Variants in FAM222A observed in about 807,000 individuals in gnomAD.
FAM222A encodes protein FAM222A.
FAM222A carries 7 observed loss-of-function variants against 25.8 expected under a neutral mutation model. The observed-to-expected ratio is 0.27, with a 90% CI of 0.15 to 0.51. FAM222A has a LOEUF of 0.51. Ranked by LOEUF, FAM222A falls within the 20% of genes least tolerant of loss-of-function variation. The pLI is 0.97. For synonymous variants in FAM222A, 294 were observed against 298.8 expected, an observed-to-expected ratio of 0.98 and a Z score of 0.17; for missense variants, 573 against 640.5, an observed-to-expected ratio of 0.89 and a Z score of 1.14.
chr12:109,750,512 T>C (rs1888532211), intron 2 of FAM222A, among the ~76,000 whole-genome samples: 1 of 152,172 alleles, frequency 6.6e-6, no homozygotes, highest in South Asian at 2.1e-4. Flanking sequence ...TCCCCTTCTT[T>C]CTTCCTTCCT....
At chr12:109,753,553 C>T (rs146554611) in intron 2 of FAM222A, among the ~76,000 whole-genome samples, 1 of 126,406 alleles carries the variant, frequency 7.9e-6, no homozygotes, top group African/African-American at 3.0e-5. Flanking sequence ...ACCTGCCCCC[C>T]CATCCCGGGG....
At position 109,768,591 on chromosome 12, in the gene FAM222A, A is replaced by G. The variant is rs754952293; in HGVS notation, c.662A>G (p.Gln221Arg). Reference protein sequence around the residue: ...QAPGAAPPACQGMAIPHPSPA... With the variant: ...QAPGAAPPACRGMAIPHPSPA... Reference sequence around the variant, plus strand: ...CCGGGCGCCGCACCCCCTGCCTGCCAGGGCATGGCTATTCCCCATCCCAGC... The same window carrying G: ...CCGGGCGCCGCACCCCCTGCCTGCCGGGGCATGGCTATTCCCCATCCCAGC... Residue 221 changes from glutamine (Q) to arginine (R), a missense_variant, in exon 3 of 3, where the codon CAG becomes CGG. By Grantham distance (43) the Gln-to-Arg change is conservative. Transcript: ENST00000538780. The G allele has an allele frequency of 4.4e-5, 70 of 1,601,950 alleles. No homozygotes were observed. The highest frequency in any genetic ancestry group is 5.5e-5 in the Non-Finnish European group (65 of 1,176,716).
In FAM222A at chr12:109,769,387, C is replaced by G; in HGVS notation, c.*99C>G. The G allele has an allele frequency of 7.2e-7, 1 of 1,387,542 alleles. No individual in the cohort carries two copies. Among genetic ancestry groups the G allele is most frequent in the Non-Finnish European group, 9.6e-7 (1 of 1,043,488 alleles). 86.0% of individuals were successfully genotyped at this position (1,387,542 alleles called of 1,614,324 possible). A position where few individuals can be genotyped will look rare whatever the true frequency, so the allele number is the denominator to read the frequency against. On this transcript the variant is annotated 3_prime_UTR_variant, in exon 3 of 3. Transcript: ENST00000538780. ...GGCTCGCAGGGGCGCTCAGCCCCACCCTGTGCCTGCTGATGCCCACAGGGG... is the reference window on the plus strand; with the variant it reads ...GGCTCGCAGGGGCGCTCAGCCCCACGCTGTGCCTGCTGATGCCCACAGGGG...
At position 109,733,700 on chromosome 12, in the gene FAM222A, G is replaced by A. The variant is rs553369415; in HGVS notation, c.-46-10401G>A. ...ATTACAGGTGTGAGCCACCACGCCC[G>A]GCCCCCATTATTACATATTTCTATC... On this transcript the variant is annotated intron_variant, in intron 1 of 2. Transcript: ENST00000538780. Among the ~76,000 whole-genome samples the A allele has an allele frequency of 3.2e-4, 49 of 152,268 alleles. No homozygotes were observed. In the South Asian group the frequency reaches 7.9e-3, roughly 24 times the overall value.
At chr12:109,725,347 G>T (rs970948815) in intron 1 of FAM222A, among the ~76,000 whole-genome samples, 9 of 152,128 alleles carry the variant, frequency 5.9e-5, no homozygotes, top group East Asian at 1.9e-4. Flanking sequence ...GAGAGGCAAA[G>T]GTACTCACCC....
At chr12:109,719,620 G>A (rs539131933) in intron 1 of FAM222A, among the ~76,000 whole-genome samples, 1 of 152,304 alleles carries the variant, frequency 6.6e-6, no homozygotes, top group South Asian at 2.1e-4. Flanking sequence ...GACAAAGCGG[G>A]CTGTGCTCTG....
chr12:109,728,042 C>T (rs1887875882), intron 1 of FAM222A, among the ~76,000 whole-genome samples: 1 of 152,190 alleles, frequency 6.6e-6, no homozygotes, highest in Admixed American at 6.5e-5. Flanking sequence ...AGAACCCGCC[C>T]CAGGGGCACT....
intron 1 of FAM222A, among the ~76,000 whole-genome samples, chr12:109,720,530 G>A (rs1317857655): frequency 6.6e-6 from 1 of 152,262 alleles, no homozygotes; most frequent in African/African-American, 2.4e-5. Flanking sequence ...GGCATCTGCA[G>A]ATCTCCGTCT....
At chr12:109,721,320 T>G (rs1007491495) in intron 1 of FAM222A, among the ~76,000 whole-genome samples, 1 of 152,206 alleles carries the variant, frequency 6.6e-6, no homozygotes, top group Non-Finnish European at 1.5e-5. Context: ...AGCTGTCTCC[T>G]TTATGAGCTT....
At position 109,745,429 on chromosome 12, in the gene FAM222A, G is replaced by C. The variant is rs539341817; in HGVS notation, c.82+1201G>C. On this transcript the variant is annotated intron_variant, in intron 2 of 2. Coordinates refer to ENST00000538780, the MANE Select transcript of FAM222A (RefSeq NM_032829.3). ...CAGTGGTAAACCCTGGATGTGTCAC[G>C]AGGATGTGGATAAAACTGCAGGGTA... Among the ~76,000 whole-genome samples the C allele has an allele frequency of 2.0e-5, 3 of 152,302 alleles. No homozygotes were observed. In the South Asian group the frequency reaches 6.2e-4, roughly 32 times the overall value.
chr12:109,730,433 CCATT>C (rs1173899022), intron 1 of FAM222A, among the ~76,000 whole-genome samples: 2 of 152,054 alleles, frequency 1.3e-5, no homozygotes, highest in Non-Finnish European at 2.9e-5. Flanking sequence ...CCAGCCCACA[CCATT>C]CATTTAGTGC....
chr12:109,740,341 A>G (rs1888205560), intron 1 of FAM222A, among the ~76,000 whole-genome samples: 1 of 152,046 alleles, frequency 6.6e-6, no homozygotes, highest in Non-Finnish European at 1.5e-5. Context: ...AAGCATTCTA[A>G]TCATTGAGGC....
intron 1 of FAM222A, among the ~76,000 whole-genome samples, chr12:109,739,601 C>T (rs1334305110): frequency 6.6e-6 from 1 of 152,150 alleles, no homozygotes; most frequent in Admixed American, 6.5e-5. Flanking sequence ...CTCCTCTCAC[C>T]CCTTCCTTCT....
In FAM222A at chr12:109,744,222, C is replaced by T. The variant is rs1888326855; in HGVS notation, c.76C>T (p.Arg26Cys). 1.2e-6 allele frequency: 2 copies of T among 1,612,920 alleles called. No homozygotes were observed. The highest frequency in any genetic ancestry group is 2.2e-5 in the East Asian group (1 of 44,868). ...LACPSKSLEL[R>C]KCEAVASAMH... Reference sequence around the variant, plus strand: ...CTGCCCGAGCAAGAGCCTGGAGCTGCGCAAGTGTGAGTAGGACGCCTCCCC... The same window carrying T: ...CTGCCCGAGCAAGAGCCTGGAGCTGTGCAAGTGTGAGTAGGACGCCTCCCC... Residue 26 changes from arginine (R) to cysteine (C), a missense_variant, in exon 2 of 3, where the codon CGC (arginine) becomes TGC (cysteine). Coordinates refer to ENST00000538780, the MANE Select transcript of FAM222A (RefSeq NM_032829.3).
At chr12:109,729,371 G>T (rs886698806) in intron 1 of FAM222A, among the ~76,000 whole-genome samples, 7 of 152,188 alleles carry the variant, frequency 4.6e-5, no homozygotes, top group African/African-American at 1.7e-4. Flanking sequence ...GGGGGTCTCA[G>T]GACGGCTTGC....
intron 1 of FAM222A, chr12:109,735,849 G>C (rs1446606728): frequency 6.6e-6 from 1 of 152,250 alleles, no homozygotes; most frequent in Non-Finnish European, 1.5e-5. Context: ...AGTCTTACTT[G>C]ACTGACAATT....
chr12:109,760,605 C>G (rs1393898532), intron 2 of FAM222A, among the ~76,000 whole-genome samples: 2 of 123,610 alleles, frequency 1.6e-5, no homozygotes, highest in Non-Finnish European at 3.8e-5. Flanking sequence ...TCAGGACACA[C>G]CCTCCCTGCC....
At chr12:109,719,365 G>A (rs1481539816) in intron 1 of FAM222A, among the ~76,000 whole-genome samples, 1 of 152,324 alleles carries the variant, frequency 6.6e-6, no homozygotes, top group Admixed American at 6.5e-5. Flanking sequence ...GAAGGCAGAG[G>A]CGGGGTTCCA....
At chr12:109,726,236 T>C (rs1350672497) in intron 1 of FAM222A, among the ~76,000 whole-genome samples, 1 of 152,144 alleles carries the variant, frequency 6.6e-6, no homozygotes, top group Non-Finnish European at 1.5e-5. Context: ...ATCAGGTTTA[T>C]GGTCCACCTC....
Sources: allele counts gnomAD v4.1 joint callset (sites outside exome capture counted in the v4.1 genomes callset), GRCh38; gene constraint gnomAD v4.1.1; transcripts MANE v1.5; gene names NCBI Gene and HGNC (gene_info 2026-07-23, HGNC 2026-07-21).